ACP7: variants seen among roughly 807,000 people sequenced by gnomAD.
The protein encoded by ACP7 is acid phosphatase type 7.
In ACP7, 58 loss-of-function variants were observed where a neutral mutation model predicts 60.6. The ratio of observed to expected loss-of-function variants is 0.96; its 90% CI spans 0.77 to 1.19. ACP7 has a LOEUF of 1.19. Among genes scored for constraint, ACP7 ranks in the 50% most tolerant of loss-of-function variants. The pLI, the probability that ACP7 is intolerant of heterozygous loss-of-function variation, is 0.00. For synonymous variants in ACP7, 237 were observed against 232.6 expected, an observed-to-expected ratio of 1.02 and a Z score of -0.17; for missense variants, 574 against 596.2, an observed-to-expected ratio of 0.96 and a Z score of 0.39.
chr19:39,097,079 C>T (rs1337785184), intron 2 of ACP7, among the ~76,000 whole-genome samples: 1 of 152,188 alleles, frequency 6.6e-6, no homozygotes, highest in African/African-American at 2.4e-5. Context: ...GGTTTACAGG[C>T]ATGAGCCAAT....
rs1347221515 is a variant in ACP7 at position 39,110,448 on chromosome 19, C to A, written c.*330C>A. On this transcript the variant is annotated 3_prime_UTR_variant, in exon 13 of 13. Transcript: ENST00000331256. Reference sequence around the variant, plus strand: ...AGGAATGAAGAGGCTTAAGCTCTGGCTCCATGGATTCTGCACATCTGCGGG... The same window carrying A: ...AGGAATGAAGAGGCTTAAGCTCTGGATCCATGGATTCTGCACATCTGCGGG... The A allele has an allele frequency of 4.0e-6, 1 of 248,498 alleles. No homozygotes were observed. Among genetic ancestry groups the A allele is most frequent in the South Asian group, 9.8e-5 (1 of 10,182 alleles). The allele number at this position is 248,498 out of a possible 1,614,324, so 15.4% of individuals were successfully genotyped here.
At chr19:39,102,715 T>TTTCTTTCTTTCCTTCTTTC (rs1555769414) in intron 11 of ACP7, among the ~76,000 whole-genome samples, 4 of 118,616 alleles carry the variant, frequency 3.4e-5, no homozygotes, top group African/African-American at 1.0e-4. Flanking sequence ...CAATGAAGAC[T>TTTCTTTCTTTCCTTCTTTC]TTTCTTTCTT....
intron 2 of ACP7, 47 bp downstream of exon 2, chr19:39,085,437 C>T (rs371572855): frequency 1.4e-4 from 222 of 1,552,298 alleles, no homozygotes; most frequent in Middle Eastern, 5.2e-4. Context: ...AGAGGCCCAG[C>T]GGTGCTTCGT....
Position 39,101,167 on chromosome 19 carries a change from A to G in ACP7, c.933A>G (p.Gln311=). The G allele has an allele frequency of 6.2e-7, 1 of 1,614,130 alleles. No homozygotes were observed. Among genetic ancestry groups the G allele is most frequent in the South Asian group, 1.1e-5 (1 of 91,084 alleles). ...RHESKVRKGL[Q]GKLYGLEDLF... is the part of the protein sequence containing the mutation. ...CTGCCCAGGTCCGCAAAGGCCTCCA[A>G]GGCAAGCTGTACGGGTTGGAGGATC... is the stretch of plus-strand genomic sequence containing the variant. The change falls in exon 9 of 13, where the codon CAA becomes CAG. Residue 311 remains glutamine (Q), a synonymous_variant. Coordinates refer to ENST00000331256, the MANE Select transcript of ACP7 (RefSeq NM_001004318.3).
At position 39,109,951 on chromosome 19, in the gene ACP7, A is replaced by G. The variant is rs1680339913; in HGVS notation, c.1252-102A>G. ...GGCCTAGCCACTTGCTCAGGGTTGT[A>G]CAGCCCATCAGAGGGCAGAGAGGGG... is the stretch of plus-strand genomic sequence containing the variant. On this transcript the variant is annotated intron_variant, in intron 12 of 12. Coordinates refer to ENST00000331256, the MANE Select transcript of ACP7 (RefSeq NM_001004318.3). 2.6e-6 allele frequency: 3 copies of G among 1,175,914 alleles called. No homozygotes were observed. The African/African-American group carries it at 4.6e-5, about 18-fold the overall frequency. The allele number at this position is 1,175,914 out of a possible 1,614,324, so 72.8% of individuals were successfully genotyped here. A position where few individuals can be genotyped will look rare whatever the true frequency, so the allele number is the denominator to read the frequency against.
intron 12 of ACP7, among the ~76,000 whole-genome samples, chr19:39,109,293 G>A (rs550802167): frequency 1.3e-5 from 2 of 152,198 alleles, no homozygotes; most frequent in South Asian, 2.1e-4. Context: ...CACATGCACC[G>A]GGCGCAGACT....
intron 2 of ACP7, among the ~76,000 whole-genome samples, chr19:39,092,847 G>A (rs1298753557): frequency 7.1e-6 from 1 of 140,764 alleles, no homozygotes; most frequent in African/African-American, 2.6e-5. Flanking sequence ...GTGTGATCTC[G>A]GCTCACTGCA....
At chr19:39,087,727 G>C (rs1443010598) in intron 2 of ACP7, among the ~76,000 whole-genome samples, 1 of 151,204 alleles carries the variant, frequency 6.6e-6, no homozygotes. Context: ...TCCACCTCCT[G>C]GTTTCAAGCG....
rs1258247324 is a variant in ACP7 at position 39,110,034 on chromosome 19, C to T, written c.1252-19C>T. 1 of 1,610,556 alleles carries T rather than the reference C, an allele frequency of 6.2e-7. No homozygotes were observed. Among genetic ancestry groups the T allele is most frequent in the East Asian group, 2.2e-5 (1 of 44,846 alleles). On this transcript the variant is annotated intron_variant, in intron 12 of 12. Coordinates refer to ENST00000331256, the MANE Select transcript of ACP7 (RefSeq NM_001004318.3). The stretch of plus-strand genomic sequence containing the variant: ...AGGCTTTCAGCTCTAACTACTGTCC[C>T]TGTTTTTGTCCCTCACAGGATGGGA...
chr19:39,102,795 T>TCTC (rs2073369718), intron 11 of ACP7, among the ~76,000 whole-genome samples: 3 of 76,432 alleles, frequency 3.9e-5, no homozygotes, highest in African/African-American at 9.3e-5. Flanking sequence ...CTCTCTCTCT[T>TCTC]TCTTTCTTTC....
intron 11 of ACP7, among the ~76,000 whole-genome samples, chr19:39,103,914 G>A (rs1335719721): frequency 2.6e-5 from 4 of 151,742 alleles, no homozygotes; most frequent in East Asian, 3.9e-4. Flanking sequence ...CCCCCAGCTC[G>A]GCCTTCCAAA....
chr19:39,100,364 G>A lies in ACP7; in HGVS notation c.629+14G>A, dbSNP rs746281672. ...TGAAGAACGCTAGTGAGGACTGAGG[G>A]TGGTGGCGGTGGGCGAGGGCTGGAT... On this transcript the variant is annotated intron_variant, in intron 5 of 12. Transcript: ENST00000331256. The A allele has an allele frequency of 6.2e-7, 1 of 1,613,392 alleles. No homozygotes were observed. The highest frequency in any genetic ancestry group is 8.5e-7 in the Non-Finnish European group (1 of 1,179,418).
intron 12 of ACP7, among the ~76,000 whole-genome samples, chr19:39,109,685 T>TAA (rs34682645): frequency 0.19 from 12,516 of 65,366 alleles, 1,524 homozygotes; most frequent in Non-Finnish European, 0.2. Flanking sequence ...AGACTCTGTC[T>TAA]AAAAAAAAAA....
chr19:39,090,545 C>T (rs530264762), intron 2 of ACP7, among the ~76,000 whole-genome samples: 18 of 152,046 alleles, frequency 1.2e-4, no homozygotes, highest in African/African-American at 3.9e-4. Context: ...TGCAGTGGCG[C>T]GATCTCAGCT....
At chr19:39,109,364 T>A (rs2073444052) in intron 12 of ACP7, among the ~76,000 whole-genome samples, 1 of 152,096 alleles carries the variant, frequency 6.6e-6, no homozygotes, top group Non-Finnish European at 1.5e-5. Flanking sequence ...ACTTTGTGCA[T>A]TGCATAGAAC....
At chr19:39,100,715 A>T (rs375371367) in intron 6 of ACP7, 24 bp from the exon 7 acceptor site, 24 of 1,612,472 alleles carry the variant, frequency 1.5e-5, no homozygotes, top group Non-Finnish European at 2.0e-5. Context: ...CTGGTCCCTG[A>T]CCCCTGCCCT....
intron 2 of ACP7, among the ~76,000 whole-genome samples, chr19:39,096,118 TCTC>T (rs1223949264): frequency 6.6e-6 from 1 of 152,196 alleles, no homozygotes; most frequent in Admixed American, 6.5e-5. Flanking sequence ...TGAACGTTCA[TCTC>T]CTCGTTACTT....
intron 2 of ACP7, among the ~76,000 whole-genome samples, chr19:39,092,651 T>C (rs1208477727): frequency 6.6e-6 from 1 of 152,124 alleles, no homozygotes; most frequent in Non-Finnish European, 1.5e-5. Context: ...ATTATTTATT[T>C]TGTGGGTGTG....
intron 2 of ACP7, among the ~76,000 whole-genome samples, chr19:39,091,020 T>G (rs2073197710): frequency 6.6e-6 from 1 of 152,134 alleles, no homozygotes; most frequent in East Asian, 1.9e-4. Flanking sequence ...GATTGCGTTC[T>G]GTGTTCTTAC....
Sources: gnomAD v4.1 joint callset for allele counts (sites outside exome capture counted in the v4.1 genomes callset) on GRCh38, gnomAD v4.1.1 for gene constraint, MANE v1.5 for transcripts, NCBI Gene and HGNC (gene_info 2026-07-23, HGNC 2026-07-21) for gene names.